FNIP1: variants seen among roughly 807,000 people sequenced by gnomAD.
The protein encoded by FNIP1 is folliculin interacting protein 1.
A neutral mutation model predicts 124.5 loss-of-function variants in FNIP1; 40 were observed. That is an observed-to-expected ratio of 0.32 (90% confidence interval 0.25 to 0.42). The LOEUF (loss-of-function observed/expected upper bound fraction) is 0.42. FNIP1 is among the 10% of genes least tolerant of loss of function. The pLI is 1.00. For synonymous variants in FNIP1, 472 were observed against 470.6 expected, an observed-to-expected ratio of 1.00 and a Z score of -0.04; for missense variants, 1,176 against 1,403.7, an observed-to-expected ratio of 0.84 and a Z score of 2.59.
At chr5:131,706,109 G>A (rs960827729) in intron 9 of FNIP1, among the ~76,000 whole-genome samples, 4 of 152,112 alleles carry the variant, frequency 2.6e-5, no homozygotes, top group African/African-American at 7.2e-5. Context: ...GAGGAATTAC[G>A]TTGAATGGAT....
At chr5:131,712,508 T>C (rs1460926941) in intron 6 of FNIP1, among the ~76,000 whole-genome samples, 1 of 152,182 alleles carries the variant, frequency 6.6e-6, no homozygotes, top group South Asian at 2.1e-4. Context: ...AACGAAAATA[T>C]CACAAAAGAC....
chr5:131,672,567 G>A lies in FNIP1; in HGVS notation c.1877C>T (p.Ser626Leu). Residue 626 changes from serine (S) to leucine (L), a missense_variant, in exon 14 of 18, where the codon TCA (serine) becomes TTA (leucine). By Grantham distance (145) the Ser-to-Leu change is moderately radical. This residue lies in a region of FNIP1 where 1,109 missense variants were observed against 1,288.5 expected (regional missense o/e 0.86). Transcript: ENST00000510461. ...PLLGQNVENI[S>L]QQEREDIQNS... ...TTGAATATCTTCTCTCTCTTGTTGT[G>A]AAATGTTCTCTACATTTTGCCCAAG... 1 of 1,614,046 alleles carries A rather than the reference G, an allele frequency of 6.2e-7. No homozygotes were observed. The highest frequency in any genetic ancestry group is 1.3e-5 in the African/African-American group (1 of 75,040).
chr5:131,758,110 T>C (rs1476220687), intron 1 of FNIP1, among the ~76,000 whole-genome samples: 1 of 152,200 alleles, frequency 6.6e-6, no homozygotes, highest in African/African-American at 2.4e-5. Flanking sequence ...AAAAGTTGCC[T>C]GACAAATTAA....
chr5:131,681,140 G>C (rs56359530), intron 11 of FNIP1, among the ~76,000 whole-genome samples: 1 of 152,142 alleles, frequency 6.6e-6, no homozygotes, highest in Non-Finnish European at 1.5e-5. Context: ...ATGGCCCCGA[G>C]GAATGACCTT....
chr5:131,737,371 T>G (rs1468347948), intron 2 of FNIP1, among the ~76,000 whole-genome samples: 2 of 152,162 alleles, frequency 1.3e-5, no homozygotes, highest in African/African-American at 4.8e-5. Flanking sequence ...TTTAGGTGTG[T>G]TTTTATGCTT....
Position 131,734,753 on chromosome 5 carries a change from C to A in FNIP1, c.220-3715G>T, listed in dbSNP as rs536974735. Among the ~76,000 whole-genome samples the A allele has an allele frequency of 9.9e-5, 15 of 152,252 alleles. No individual in the cohort carries two copies. The East Asian group carries it at 2.7e-3, about 27-fold the overall frequency. ...CCATCAGAGAGATGCAAATCAAAAC[C>A]ACAATGAGATATCTCACACCAGTTA... On this transcript the variant is annotated intron_variant, in intron 2 of 17. Transcript: ENST00000510461.
At chr5:131,791,985 A>G (rs1261092987) in intron 1 of FNIP1, among the ~76,000 whole-genome samples, 4 of 152,198 alleles carry the variant, frequency 2.6e-5, no homozygotes, top group Admixed American at 1.3e-4. Flanking sequence ...TTTTTACACA[A>G]AACTGATATA....
intron 11 of FNIP1, among the ~76,000 whole-genome samples, chr5:131,681,722 A>G (rs971349856): frequency 1.7e-4 from 26 of 151,512 alleles, no homozygotes; most frequent in African/African-American, 6.3e-4. Context: ...GGAAAATATG[A>G]AAAAAAAGGA....
At chr5:131,728,175 C>T (rs573473072) in intron 3 of FNIP1, among the ~76,000 whole-genome samples, 1 of 152,174 alleles carries the variant, frequency 6.6e-6, no homozygotes, top group East Asian at 1.9e-4. Flanking sequence ...TCTTCTCGAG[C>T]AGTATCTTTG....
intron 11 of FNIP1, among the ~76,000 whole-genome samples, chr5:131,693,816 T>A (rs922626455): frequency 6.6e-5 from 10 of 151,676 alleles, no homozygotes; most frequent in African/African-American, 2.4e-4. Context: ...TTTTTAAATC[T>A]GACAAAGAAC....
intron 7 of FNIP1, among the ~76,000 whole-genome samples, chr5:131,709,779 T>C (rs915089361): frequency 6.6e-6 from 1 of 152,178 alleles, no homozygotes; most frequent in Middle Eastern, 3.2e-3. Flanking sequence ...GGCTAATATA[T>C]ATTTTTGCCT....
chr5:131,758,193 A>G (rs1279650215), intron 1 of FNIP1, among the ~76,000 whole-genome samples: 2 of 152,240 alleles, frequency 1.3e-5, no homozygotes, highest in Non-Finnish European at 2.9e-5. Context: ...ATAAGTTTAA[A>G]TGGTAATAGT....
chr5:131,666,740 C>CTAT (rs1767614963), intron 15 of FNIP1, among the ~76,000 whole-genome samples: 1 of 152,052 alleles, frequency 6.6e-6, no homozygotes, highest in South Asian at 2.1e-4. Context: ...AAACTAAATA[C>CTAT]TATTATTATT....
chr5:131,708,012 A>C (rs1769170844), intron 8 of FNIP1, among the ~76,000 whole-genome samples: 1 of 152,184 alleles, frequency 6.6e-6, no homozygotes, highest in Admixed American at 6.5e-5. Context: ...AAAAATAAGA[A>C]ACTCAATTAG....
At chr5:131,785,291 A>G (rs1772168639) in intron 1 of FNIP1, among the ~76,000 whole-genome samples, 1 of 151,648 alleles carries the variant, frequency 6.6e-6, no homozygotes. Context: ...ACAGTGGCTC[A>G]CGCCTGTAAT....
At chr5:131,731,515 A>T (rs946804422) in intron 2 of FNIP1, among the ~76,000 whole-genome samples, 2 of 152,050 alleles carry the variant, frequency 1.3e-5, no homozygotes, top group Admixed American at 1.3e-4. Flanking sequence ...TTAGCTGGGC[A>T]TGGTGGCACA....
intron 1 of FNIP1, among the ~76,000 whole-genome samples, chr5:131,774,559 G>A (rs1771740706): frequency 6.6e-6 from 1 of 152,098 alleles, no homozygotes; most frequent in South Asian, 2.1e-4. Context: ...AAGGTTCTCT[G>A]TTATTATAAA....
intron 2 of FNIP1, among the ~76,000 whole-genome samples, chr5:131,743,253 G>A (rs1432303376): frequency 2.0e-5 from 3 of 152,090 alleles, no homozygotes; most frequent in Non-Finnish European, 2.9e-5. Flanking sequence ...AGTCAACAAT[G>A]TTTGATTTCT....
chr5:131,731,175 T>A, intron 2 of FNIP1, 137 bp from the exon 3 acceptor site: 1 of 731,986 alleles, frequency 1.4e-6, no homozygotes, highest in Middle Eastern at 3.5e-4. Flanking sequence ...ATTGGCATTT[T>A]GCTGTATTTT....
Sources: allele counts gnomAD v4.1 joint callset (sites outside exome capture counted in the v4.1 genomes callset), GRCh38; gene constraint gnomAD v4.1.1; regional missense constraint gnomAD v4.1.1; transcripts MANE v1.5; gene names NCBI Gene and HGNC (gene_info 2026-07-23, HGNC 2026-07-21).